ADCY2: variants seen among roughly 807,000 people sequenced by gnomAD.
The protein encoded by ADCY2 is adenylate cyclase 2, also known as adenylate cyclase type 2.
In ADCY2, 31 loss-of-function variants were observed where a neutral mutation model predicts 125.2. That is an observed-to-expected ratio of 0.25 (90% CI 0.19 to 0.33). The LOEUF is 0.33. Among genes scored for constraint, ADCY2 ranks in the 10% least tolerant of loss-of-function variants. ADCY2 has a pLI of 1.00. For synonymous variants in ADCY2, 512 were observed against 548.4 expected (o/e 0.93, Z 0.93); for missense variants, 904 against 1,418.2 (o/e 0.64, Z 5.82).
chr5:7,747,523 C>G (rs1398530484), intron 15 of ADCY2, among the ~76,000 whole-genome samples: 1 of 152,168 alleles, frequency 6.6e-6, no homozygotes, highest in Non-Finnish European at 1.5e-5. Flanking sequence ...AGCATGGGGA[C>G]AGACTCTATG....
chr5:7,702,619 A>G (rs547124867), intron 7 of ADCY2, among the ~76,000 whole-genome samples: 95 of 152,186 alleles, frequency 6.2e-4, no homozygotes, highest in African/African-American at 2.1e-3. Context: ...TCTTAATCCA[A>G]TCTATCACTG....
intron 12 of ADCY2, among the ~76,000 whole-genome samples, chr5:7,724,114 CAA>C (rs1272949604): frequency 1.3e-4 from 10 of 76,568 alleles, no homozygotes; most frequent in African/African-American, 5.3e-4. Flanking sequence ...TAGAAGCTAA[CAA>C]AAAAAAAAAA....
chr5:7,745,976 T>A (rs1295687641), intron 15 of ADCY2, among the ~76,000 whole-genome samples: 1 of 152,184 alleles, frequency 6.6e-6, no homozygotes. Context: ...GGTGCCTCCC[T>A]TTCAGCCTCG....
intron 12 of ADCY2, among the ~76,000 whole-genome samples, chr5:7,719,749 T>C (rs1411448025): frequency 6.6e-6 from 1 of 152,204 alleles, no homozygotes; most frequent in East Asian, 1.9e-4. Flanking sequence ...TATGACCTCA[T>C]TTAACCTTCA....
intron 4 of ADCY2, among the ~76,000 whole-genome samples, chr5:7,663,740 C>T (rs767946399): frequency 3.3e-5 from 5 of 152,070 alleles, no homozygotes; most frequent in African/African-American, 1.2e-4. Context: ...TTGGTCAGGC[C>T]GATAGGCTTG....
chr5:7,744,747 T>C (rs1051480101), intron 15 of ADCY2, among the ~76,000 whole-genome samples: 1 of 152,270 alleles, frequency 6.6e-6, no homozygotes, highest in Non-Finnish European at 1.5e-5. Context: ...CAAGAGAAGC[T>C]TCAGAGATTT....
At chr5:7,461,707 T>C (rs1204803582) in intron 2 of ADCY2, among the ~76,000 whole-genome samples, 1 of 152,238 alleles carries the variant, frequency 6.6e-6, no homozygotes, top group South Asian at 2.1e-4. Context: ...CTTACAGTTT[T>C]GGAATAGAAA....
intron 2 of ADCY2, among the ~76,000 whole-genome samples, chr5:7,454,963 G>A (rs1460886328): frequency 6.6e-6 from 1 of 152,024 alleles, no homozygotes; most frequent in African/African-American, 2.4e-5. Context: ...TGTGCTTTTT[G>A]ATAGTTATTT....
chr5:7,478,697 A>G (rs1742607630), intron 2 of ADCY2, among the ~76,000 whole-genome samples: 1 of 152,168 alleles, frequency 6.6e-6, no homozygotes, highest in Non-Finnish European at 1.5e-5. Flanking sequence ...TTTTAAAGGG[A>G]AAGTTCCTGG....
intron 7 of ADCY2, among the ~76,000 whole-genome samples, chr5:7,703,301 T>C (rs1295631709): frequency 1.3e-5 from 2 of 152,232 alleles, no homozygotes; most frequent in Non-Finnish European, 2.9e-5. Context: ...TTCTTGCCCA[T>C]GCCTATGTCC....
chr5:7,404,181 CT>C (rs1315874284), intron 1 of ADCY2, among the ~76,000 whole-genome samples: 1 of 151,990 alleles, frequency 6.6e-6, no homozygotes, highest in Non-Finnish European at 1.5e-5. Flanking sequence ...TATTGTTCTC[CT>C]TTTGATGTTT....
intron 19 of ADCY2, among the ~76,000 whole-genome samples, chr5:7,785,837 G>T (rs141054079): frequency 1.3e-5 from 2 of 152,104 alleles, no homozygotes; most frequent in Admixed American, 1.3e-4. Flanking sequence ...TAAGAAACTC[G>T]TATCAAATTA....
At chr5:7,499,994 C>T (rs948098851) in intron 2 of ADCY2, among the ~76,000 whole-genome samples, 2 of 152,028 alleles carry the variant, frequency 1.3e-5, no homozygotes, top group Admixed American at 6.6e-5. Flanking sequence ...AAAGTGATTC[C>T]GGAAGGCTAA....
At chr5:7,736,824 T>C (rs1360459289) in intron 14 of ADCY2, among the ~76,000 whole-genome samples, 1 of 152,154 alleles carries the variant, frequency 6.6e-6, no homozygotes, top group East Asian at 1.9e-4. Flanking sequence ...AAATAAACCT[T>C]ATGATTTGTT....
intron 2 of ADCY2, among the ~76,000 whole-genome samples, chr5:7,487,240 T>C (rs1274989207): frequency 6.6e-6 from 1 of 152,138 alleles, no homozygotes; most frequent in Non-Finnish European, 1.5e-5. Context: ...GGCCTGCCCA[T>C]CCTGTCAGTC....
chr5:7,419,141 A>C (rs1740086189), intron 2 of ADCY2, among the ~76,000 whole-genome samples: 1 of 152,206 alleles, frequency 6.6e-6, no homozygotes, highest in Admixed American at 6.5e-5. Context: ...AAAGTGATGC[A>C]GGAATGAGCC....
chr5:7,725,056 GC>G (rs1741891873), intron 13 of ADCY2, among the ~76,000 whole-genome samples: 2 of 152,118 alleles, frequency 1.3e-5, no homozygotes, highest in South Asian at 4.1e-4. Context: ...GAACTTTTAA[GC>G]TTTATTGCAT....
chr5:7,552,127 A>C (rs1485591712), intron 3 of ADCY2, among the ~76,000 whole-genome samples: 2 of 152,312 alleles, frequency 1.3e-5, no homozygotes, highest in East Asian at 1.9e-4. Flanking sequence ...AGAGTAATAA[A>C]TTGGCCATAA....
intron 4 of ADCY2, among the ~76,000 whole-genome samples, chr5:7,689,026 A>G (rs1473637355): frequency 6.6e-6 from 1 of 152,214 alleles, no homozygotes; most frequent in Non-Finnish European, 1.5e-5. Context: ...TATAAAGATG[A>G]TGAAAGCTAG....
Sources: allele counts gnomAD v4.1 joint callset (sites outside exome capture counted in the v4.1 genomes callset), GRCh38; gene constraint gnomAD v4.1.1; transcripts MANE v1.5; gene names NCBI Gene and HGNC (gene_info 2026-07-23, HGNC 2026-07-21).